Variants in BAZ2B observed in about 807,000 individuals in gnomAD.
BAZ2B encodes bromodomain adjacent to zinc finger domain 2B, also known as bromodomain adjacent to zinc finger domain protein 2B.
Under a neutral mutation model 246.0 loss-of-function variants are expected in BAZ2B, and 91 were observed. The observed-to-expected ratio is 0.37, with a 90% confidence interval of 0.31 to 0.44. The LOEUF (loss-of-function observed/expected upper bound fraction) is 0.44, where lower values mean the gene tolerates loss of function less well. Ranked by LOEUF, BAZ2B falls within the 20% of genes least tolerant of loss-of-function variation. The pLI, the probability that BAZ2B is intolerant of heterozygous loss-of-function variation, is 1.00. For missense variants in BAZ2B, 2,332 were observed against 2,533.7 expected, an observed-to-expected ratio of 0.92 and a Z score of 1.71; for synonymous variants, 855 against 860.0, an observed-to-expected ratio of 0.99 and a Z score of 0.10.
At chr2:159,325,559 A>G (rs1187490288) in intron 35 of BAZ2B, 94 bp downstream of exon 35, 1 of 1,336,714 alleles carries the variant, frequency 7.5e-7, no homozygotes, top group East Asian at 2.6e-5. Context: ...ATTTACATAA[A>G]TTATCAGAAA....
Position 159,405,035 on chromosome 2 carries a change from G to A in BAZ2B, c.2757C>T (p.Ala919=), listed in dbSNP as rs377627790. 59 of 1,613,240 alleles carry A rather than the reference G, an allele frequency of 3.7e-5. No individual in the cohort carries two copies. The East Asian group carries it at 8.7e-4, about 24-fold the overall frequency. Residue 919 remains alanine (A), a synonymous_variant, in exon 15 of 37, where the codon GCC becomes GCT. Transcript: ENST00000392783. ...TAAATCACTCACCTTGTTGTTTTTT[G>A]GCTTCTTTAGCAACCCGAGCCTGTT... The part of the protein sequence containing the change: ...KQEQARVAKE[A]KKQQAIMAAE...
chr2:159,696,179 T>C, the BAZ2B span, among the ~76,000 whole-genome samples: 4 of 152,220 alleles, frequency 2.6e-5, no homozygotes, highest in Admixed American at 6.5e-5. Context: ...AAATTGTTTA[T>C]ATATAGTTAA....
At chr2:159,625,731 T>C in the BAZ2B span, among the ~76,000 whole-genome samples, 3 of 152,026 alleles carry the variant, frequency 2.0e-5, no homozygotes, top group Admixed American at 6.5e-5. Context: ...ACATACCAAA[T>C]TGGAAAGGTC....
At chr2:159,620,247 C>T (rs115791654), upstream of BAZ2B, among the ~76,000 whole-genome samples, 1,070 of 152,248 alleles carry the variant, frequency 7.0e-3, 8 homozygotes, top group African/African-American at 0.024. Flanking sequence ...GAAAAACAAA[C>T]GAGAGATCTC....
chr2:159,322,082 C>T (rs984590532), intron 36 of BAZ2B: 14 of 152,062 alleles, frequency 9.2e-5, no homozygotes, highest in African/African-American at 2.9e-4. Context: ...GAGGCACTGA[C>T]GCTGTGAGAT....
chr2:159,427,332 G>A (rs2070129838), intron 13 of BAZ2B, among the ~76,000 whole-genome samples: 4 of 152,068 alleles, frequency 2.6e-5, no homozygotes, highest in Admixed American at 2.6e-4. Context: ...TGACTGGTGA[G>A]GATGTGTACT....
intron 12 of BAZ2B, 23 bp from the exon 13 acceptor site, chr2:159,428,065 C>A: frequency 6.3e-7 from 1 of 1,599,086 alleles, no homozygotes; most frequent in Non-Finnish European, 8.6e-7. Context: ...CATATTTTTC[C>A]ACTTCAGGTT....
intron 2 of BAZ2B, among the ~76,000 whole-genome samples, chr2:159,495,990 CG>C (rs1372889053): frequency 6.6e-6 from 1 of 151,126 alleles, no homozygotes; most frequent in African/African-American, 2.4e-5. Flanking sequence ...AGGATGGTCT[CG>C]ATCTCCTGAC....
intron 14 of BAZ2B, among the ~76,000 whole-genome samples, chr2:159,407,431 C>T (rs1455342705): frequency 6.6e-6 from 1 of 152,108 alleles, no homozygotes; most frequent in Non-Finnish European, 1.5e-5. Flanking sequence ...GAGATTGCAC[C>T]ACTGCACTCC....
intron 2 of BAZ2B, among the ~76,000 whole-genome samples, chr2:159,535,989 T>C (rs183117865): frequency 6.6e-6 from 1 of 152,218 alleles, no homozygotes; most frequent in African/African-American, 2.4e-5. Context: ...AAATGGCACA[T>C]TAGAAAAGAA....
downstream of BAZ2B, among the ~76,000 whole-genome samples, chr2:159,316,473 C>T (rs565618787): frequency 8.4e-4 from 127 of 151,616 alleles, no homozygotes; most frequent in African/African-American, 2.8e-3. Flanking sequence ...GGGCAGATCA[C>T]GAGGTCAGGA....
At chr2:159,701,654 T>G in the BAZ2B span, among the ~76,000 whole-genome samples, 1 of 148,044 alleles carries the variant, frequency 6.8e-6, no homozygotes, top group East Asian at 1.9e-4. Flanking sequence ...ATATATATTT[T>G]TATAATACAT....
At chr2:159,346,942 A>ATG (rs2067958855) in intron 31 of BAZ2B, among the ~76,000 whole-genome samples, 3 of 152,146 alleles carry the variant, frequency 2.0e-5, no homozygotes, top group Middle Eastern at 3.2e-3. Flanking sequence ...ATATATATAT[A>ATG]TGTAGGGTAT....
At chr2:159,394,362 G>A (rs1057375557) in intron 20 of BAZ2B, among the ~76,000 whole-genome samples, 2 of 151,984 alleles carry the variant, frequency 1.3e-5, no homozygotes, top group African/African-American at 4.8e-5. Context: ...CCTGGAATAC[G>A]TTACCTCTCT....
At chr2:159,707,749 C>T in the BAZ2B span, among the ~76,000 whole-genome samples, 4 of 152,134 alleles carry the variant, frequency 2.6e-5, no homozygotes, top group Non-Finnish European at 5.9e-5. Context: ...ATCGCTTGAA[C>T]CTGGGAGGCG....
intron 3 of BAZ2B, among the ~76,000 whole-genome samples, chr2:159,469,611 A>G (rs2077525616): frequency 6.6e-6 from 1 of 151,378 alleles, no homozygotes; most frequent in Non-Finnish European, 1.5e-5. Flanking sequence ...AATTTTTTAT[A>G]TATATTTTTA....
rs144913550 is a variant in BAZ2B, at chr2:159,348,421, G to A, written c.5293+257C>T. Among the ~76,000 whole-genome samples the A allele has an allele frequency of 5.0e-3, 747 of 150,252 alleles. 12 individuals carry two copies. Among genetic ancestry groups the A allele is most frequent in the African/African-American group, 0.017 (707 of 40,796 alleles). On this transcript the variant is annotated intron_variant, in intron 30 of 36. Coordinates refer to ENST00000392783, the MANE Select transcript of BAZ2B (RefSeq NM_013450.4). ...TATTTCTAGGTTACTTATAGTACCTGAGACAATGTAGATGCTATGGAAATA... is the reference window on the plus strand; with the variant it reads ...TATTTCTAGGTTACTTATAGTACCTAAGACAATGTAGATGCTATGGAAATA...
intron 27 of BAZ2B, among the ~76,000 whole-genome samples, chr2:159,361,776 T>C (rs1159350597): frequency 6.6e-6 from 1 of 151,992 alleles, no homozygotes; most frequent in Non-Finnish European, 1.5e-5. Flanking sequence ...TATGCAGCCA[T>C]AAAAAAGGAT....
intron 1 of BAZ2B, among the ~76,000 whole-genome samples, chr2:159,604,551 A>C (rs1187421415): frequency 6.6e-6 from 1 of 152,248 alleles, no homozygotes; most frequent in Non-Finnish European, 1.5e-5. Flanking sequence ...CATAGTTTGA[A>C]TACTCTCAAT....
Sources: allele counts gnomAD v4.1 joint callset (sites outside exome capture counted in the v4.1 genomes callset), GRCh38; gene constraint gnomAD v4.1.1; transcripts MANE v1.5; gene names NCBI Gene and HGNC (gene_info 2026-07-23, HGNC 2026-07-21).